PALM2AKAP2: variants seen among roughly 807,000 people sequenced by gnomAD.
The protein encoded by PALM2AKAP2 is PALM2-AKAP2 fusion protein.
PALM2AKAP2 carries 37 observed loss-of-function variants against 71.5 expected under a neutral mutation model. The observed-to-expected ratio is 0.52, with a 90% CI of 0.40 to 0.68. PALM2AKAP2 has a LOEUF of 0.68. PALM2AKAP2 is among the 30% of genes least tolerant of loss of function. The pLI is 0.00. For synonymous variants in PALM2AKAP2, 468 were observed against 478.8 expected, an observed-to-expected ratio of 0.98 and a Z score of 0.29; for missense variants, 1,224 against 1,191.8, an observed-to-expected ratio of 1.03 and a Z score of -0.40.
intron 1 of PALM2AKAP2, among the ~76,000 whole-genome samples, chr9:109,726,418 G>A (rs1276863003): frequency 6.6e-6 from 1 of 152,238 alleles, no homozygotes; most frequent in Non-Finnish European, 1.5e-5. Context: ...GCGTTCAGTG[G>A]TGGGGCTGTT....
chr9:110,018,406 C>T (rs1315959359), intron 7 of PALM2AKAP2, among the ~76,000 whole-genome samples: 2 of 152,186 alleles, frequency 1.3e-5, no homozygotes, highest in Admixed American at 6.5e-5. Flanking sequence ...TCGTGGCTCA[C>T]TGCAACCTCC....
chr9:110,014,269 A>T (rs926462722), intron 6 of PALM2AKAP2, among the ~76,000 whole-genome samples: 14 of 152,186 alleles, frequency 9.2e-5, no homozygotes, highest in African/African-American at 3.4e-4. Context: ...AATAATGTAA[A>T]CAAATATTAC....
chr9:109,707,314 G>A (rs1019537365), intron 1 of PALM2AKAP2, among the ~76,000 whole-genome samples: 9 of 151,852 alleles, frequency 5.9e-5, no homozygotes, highest in African/African-American at 1.5e-4. Flanking sequence ...TGCATCAGCC[G>A]CCTCCCATTA....
chr9:109,848,680 A>G (rs2131615052), intron 1 of PALM2AKAP2, among the ~76,000 whole-genome samples: 1 of 151,316 alleles, frequency 6.6e-6, no homozygotes, highest in Non-Finnish European at 1.5e-5. Context: ...GGTCGCTCAC[A>G]CCTGTAATCC....
intron 1 of PALM2AKAP2, among the ~76,000 whole-genome samples, chr9:109,699,778 A>ATTT (rs374704175): frequency 1.8e-5 from 2 of 113,244 alleles, no homozygotes; most frequent in African/African-American, 3.3e-5. Context: ...ACCTTTATTT[A>ATTT]TTTTTTTTTT....
intron 1 of PALM2AKAP2, among the ~76,000 whole-genome samples, chr9:110,116,666 T>G (rs1405576223): frequency 1.3e-5 from 2 of 152,372 alleles, no homozygotes; most frequent in South Asian, 4.1e-4. Context: ...ATCTGGTTAC[T>G]CACAGCGTGT....
chr9:109,655,736 G>T lies in PALM2AKAP2; in HGVS notation c.5+14870G>T, dbSNP rs547754443. Among the ~76,000 whole-genome samples, 42 of 152,226 alleles carry T rather than the reference G, an allele frequency of 2.8e-4. No homozygotes were observed. In the East Asian group the frequency reaches 4.6e-3, roughly 17 times the overall value. On this transcript the variant is annotated intron_variant, in intron 1 of 6. Coordinates refer to the PALM2AKAP2 transcript ENST00000374531. ...TTTCACTTTGTGTAATGCTTTGAAG[G>T]TTTATCCCTGTTGTAGCCTGTGTCA...
intron 1 of PALM2AKAP2, among the ~76,000 whole-genome samples, chr9:109,713,331 T>C (rs1327348228): frequency 6.6e-6 from 1 of 152,160 alleles, no homozygotes; most frequent in Non-Finnish European, 1.5e-5. Context: ...CTGGGAAATA[T>C]CTAAGTCAGT....
intron 1 of PALM2AKAP2, among the ~76,000 whole-genome samples, chr9:110,105,243 G>T (rs931381422): frequency 2.0e-5 from 3 of 152,144 alleles, no homozygotes; most frequent in Admixed American, 6.5e-5. Flanking sequence ...AAAGCCCTTG[G>T]GTTACTTTTT....
chr9:109,732,146 G>T (rs536973537), intron 1 of PALM2AKAP2, among the ~76,000 whole-genome samples: 1 of 152,194 alleles, frequency 6.6e-6, no homozygotes, highest in Non-Finnish European at 1.5e-5. Context: ...TGGAAATTGT[G>T]CAAAGACCAA....
chr9:110,021,225 A>G (rs1174293996), intron 7 of PALM2AKAP2, among the ~76,000 whole-genome samples: 3 of 152,180 alleles, frequency 2.0e-5, no homozygotes, highest in African/African-American at 7.2e-5. Context: ...ACAGAAGGCC[A>G]TGTAAGGGGA....
In PALM2AKAP2 at chr9:110,101,808, A is replaced by G. The variant is rs923715859; in HGVS notation, c.157-34319A>G. 7.2e-5 allele frequency among the ~76,000 whole-genome samples: 11 copies of G among 152,182 alleles called. No homozygotes were observed. The East Asian group carries it at 2.1e-3, about 29-fold the overall frequency. ...TAATCTGGGAAATCCTCTGTATGAA[A>G]CATTTTCCTTTTCACTGTTCCCTTT... On this transcript the variant is annotated intron_variant, in intron 1 of 3. Coordinates refer to ENST00000374525, the Ensembl canonical transcript of PALM2AKAP2.
intron 1 of PALM2AKAP2, among the ~76,000 whole-genome samples, chr9:109,773,657 A>G (rs1829307659): frequency 6.6e-6 from 1 of 152,230 alleles, no homozygotes; most frequent in Non-Finnish European, 1.5e-5. Flanking sequence ...TTTTACAAAT[A>G]GAGAACCTCA....
chr9:110,151,794 G>A (rs910723826), intron 2 of PALM2AKAP2, among the ~76,000 whole-genome samples: 1 of 152,172 alleles, frequency 6.6e-6, no homozygotes, highest in African/African-American at 2.4e-5. Flanking sequence ...GGTTCCTTAC[G>A]TTCCTTATAG....
chr9:110,152,280 G>A (rs1836336893), intron 2 of PALM2AKAP2, among the ~76,000 whole-genome samples: 1 of 152,170 alleles, frequency 6.6e-6, no homozygotes, highest in Non-Finnish European at 1.5e-5. Context: ...CAGTGCAGGT[G>A]AGGAACTGGA....
At chr9:110,149,611 G>A (rs781155837) in intron 2 of PALM2AKAP2, among the ~76,000 whole-genome samples, 2 of 152,036 alleles carry the variant, frequency 1.3e-5, no homozygotes, top group South Asian at 2.1e-4. Flanking sequence ...ACTTGCATTC[G>A]TTTCTATTGC....
chr9:109,722,349 T>C (rs538700687), intron 1 of PALM2AKAP2, among the ~76,000 whole-genome samples: 6 of 152,168 alleles, frequency 3.9e-5, no homozygotes, highest in Non-Finnish European at 8.8e-5. Flanking sequence ...GAAGCATACA[T>C]AAGAAACATC....
At chr9:109,974,159 A>G (rs1832125704) in intron 6 of PALM2AKAP2, among the ~76,000 whole-genome samples, 1 of 152,206 alleles carries the variant, frequency 6.6e-6, no homozygotes, top group African/African-American at 2.4e-5. Flanking sequence ...GTCTCTGATG[A>G]CTGCACAGAA....
At chr9:109,895,594 T>C (rs528946222) in intron 3 of PALM2AKAP2, among the ~76,000 whole-genome samples, 1 of 152,360 alleles carries the variant, frequency 6.6e-6, no homozygotes, top group South Asian at 2.1e-4. Flanking sequence ...TTCAGCCTCC[T>C]ACTTCAGGTC....
Sources: allele counts gnomAD v4.1 joint callset (sites outside exome capture counted in the v4.1 genomes callset), GRCh38; gene constraint gnomAD v4.1.1; transcripts MANE v1.5; gene names NCBI Gene and HGNC (gene_info 2026-07-23, HGNC 2026-07-21).